RNFT2: variants seen among roughly 807,000 people sequenced by gnomAD.
RNFT2 encodes ring finger protein, transmembrane 2.
A neutral mutation model predicts 53.0 loss-of-function variants in RNFT2; 36 were observed. The observed-to-expected ratio is 0.68, with a 90% CI of 0.52 to 0.90. The LOEUF is 0.90. Among genes scored for constraint, RNFT2 ranks in the 40% least tolerant of loss-of-function variants. RNFT2 has a pLI of 0.00. For synonymous variants in RNFT2, 260 were observed against 253.2 expected (o/e 1.03, Z -0.26); for missense variants, 514 against 585.6 (o/e 0.88, Z 1.26).
At position 116,799,293 on chromosome 12, in the gene RNFT2, A is replaced by G. The variant is rs1874653254; in HGVS notation, c.882+19945A>G. On this transcript the variant is annotated intron_variant, in intron 7 of 10. Coordinates refer to ENST00000257575, the MANE Select transcript of RNFT2 (RefSeq NM_001382266.1). ...CATTTCTCTGACTTCCTTTTCCCCA[A>G]GCCCAAGAAAACTCTGCTTTTAAAG... 2.0e-5 allele frequency among the ~76,000 whole-genome samples: 3 copies of G among 152,182 alleles called. 1 individual carries two copies. The South Asian group carries it at 6.2e-4, about 32-fold the overall frequency.
chr12:116,805,121 C>CT (rs35830752), intron 7 of RNFT2, among the ~76,000 whole-genome samples: 105,614 of 143,362 alleles, frequency 0.74, 40,317 homozygotes, highest in Non-Finnish European at 0.86. Flanking sequence ...AAGACATTGT[C>CT]TTTTTTTTTT....
At chr12:116,793,578 C>G (rs1874353103) in intron 7 of RNFT2, among the ~76,000 whole-genome samples, 1 of 152,214 alleles carries the variant, frequency 6.6e-6, no homozygotes, top group African/African-American at 2.4e-5. Context: ...GACTCTGTCT[C>G]TTGCTCACTC....
chr12:116,852,480 A>G lies in RNFT2; in HGVS notation c.*3032A>G. 5.4e-6 allele frequency: 8 copies of G among 1,473,832 alleles called. No homozygotes were observed. The East Asian group carries it at 2.0e-4, about 37-fold the overall frequency. 91.3% of individuals were successfully genotyped at this position (1,473,832 alleles called of 1,614,324 possible). A position where few individuals can be genotyped will look rare whatever the true frequency, so the allele number is the denominator to read the frequency against. ...AAGCTCCGTTACTATGGCGATGGCC[A>G]TGATGTTACAATCCCACTTGCCTGA... On this transcript the variant is annotated 3_prime_UTR_variant, in exon 11 of 11. Transcript: ENST00000257575.
chr12:116,835,763 G>A (rs577785148), intron 8 of RNFT2, among the ~76,000 whole-genome samples, 197 bp from the exon 9 acceptor site: 2 of 152,316 alleles, frequency 1.3e-5, no homozygotes, highest in South Asian at 4.1e-4. Context: ...GGTAGCAGGG[G>A]AAACTCTTGA....
At chr12:116,848,785 C>T (rs1877746783) in intron 10 of RNFT2, among the ~76,000 whole-genome samples, 1 of 152,056 alleles carries the variant, frequency 6.6e-6, no homozygotes, top group Admixed American at 6.6e-5. Flanking sequence ...CAAGCCCTCC[C>T]TGTTCCTTCT....
At chr12:116,826,830 C>A (rs1374450732) in intron 7 of RNFT2, among the ~76,000 whole-genome samples, 1 of 152,152 alleles carries the variant, frequency 6.6e-6, no homozygotes, top group Non-Finnish European at 1.5e-5. Context: ...TGGGAATATA[C>A]CCAGAGTCAA....
intron 7 of RNFT2, among the ~76,000 whole-genome samples, chr12:116,821,007 T>G (rs1247821493): frequency 6.6e-6 from 1 of 152,132 alleles, no homozygotes; most frequent in South Asian, 2.1e-4. Flanking sequence ...CTTTCTCATC[T>G]AAGAAATGGG....
intron 2 of RNFT2, chr12:116,740,818 C>T (rs765959069): frequency 1.1e-5 from 7 of 625,252 alleles, no homozygotes; most frequent in Non-Finnish European, 2.0e-5. Flanking sequence ...TCTCATCGTC[C>T]TCCTCTGTGA....
intron 7 of RNFT2, among the ~76,000 whole-genome samples, chr12:116,819,894 G>C (rs1875919603): frequency 6.6e-6 from 1 of 152,180 alleles, no homozygotes; most frequent in African/African-American, 2.4e-5. Context: ...GATTTTAAAT[G>C]TTCTAGTAGT....
chr12:116,794,826 C>G (rs1874429599), intron 7 of RNFT2, among the ~76,000 whole-genome samples: 1 of 152,022 alleles, frequency 6.6e-6, no homozygotes, highest in Admixed American at 6.5e-5. Context: ...TCGGCTCGGC[C>G]ACTGCCCCTG....
chr12:116,753,114 C>T (rs908570516), intron 4 of RNFT2, among the ~76,000 whole-genome samples: 5 of 147,886 alleles, frequency 3.4e-5, no homozygotes, highest in Non-Finnish European at 7.4e-5. Flanking sequence ...TTCCTTATGG[C>T]GTTGTAAGTT....
chr12:116,758,774 G>T (rs7960408), intron 5 of RNFT2, among the ~76,000 whole-genome samples: 137,081 of 152,222 alleles, frequency 0.9, 62,162 homozygotes, highest in Non-Finnish European at 0.95. Context: ...TGGTGCTTCT[G>T]TCTCACAGCT....
chr12:116,779,262 G>T lies in RNFT2; in HGVS notation c.796G>T (p.Ala266Ser), dbSNP rs376904333. ...FFDLLWIVGI[A>S]DFVLKYITIA... ...TGACCTGCTATGGATTGTGGGGATC[G>T]CAGACTTTGTTCTGAAGTACATCAC... The change falls in exon 7 of 11, where the codon GCA becomes TCA. Residue 266 changes from alanine (A) to serine (S), a missense_variant. This residue lies in a region of RNFT2 where 273 missense variants were observed against 334.4 expected (regional missense o/e 0.82). Coordinates refer to ENST00000257575, the MANE Select transcript of RNFT2 (RefSeq NM_001382266.1). The T allele has an allele frequency of 6.2e-7, 1 of 1,613,960 alleles. No homozygotes were observed. The highest frequency in any genetic ancestry group is 8.5e-7 in the Non-Finnish European group (1 of 1,179,872).
intron 5 of RNFT2, among the ~76,000 whole-genome samples, chr12:116,763,751 C>T (rs1872790005): frequency 6.7e-6 from 1 of 150,126 alleles, no homozygotes; most frequent in African/African-American, 2.5e-5. Context: ...TGCACTCCAG[C>T]CTGGGTGACA....
Position 116,835,966 on chromosome 12 carries a change from G to A in RNFT2, c.1039G>A (p.Asp347Asn). The A allele has an allele frequency of 3.7e-6, 6 of 1,613,948 alleles. No individual in the cohort carries two copies. The highest frequency in any genetic ancestry group is 2.2e-5 in the East Asian group (1 of 44,886). ...IVLYSLCKSF[D>N]ICGRVGGVRK... ...CACCCTGCTCTCCTTTCAGTCCTTC[G>A]ACATCTGTGGACGTGTGGGCGGAGT... The change falls in exon 9 of 11, where the codon GAC (aspartate) becomes AAC (asparagine). Residue 347 changes from aspartate (D) to asparagine (N), a missense_variant. Asp to Asn is a conservative substitution (Grantham distance 23). This residue lies in a region of RNFT2 where 273 missense variants were observed against 334.4 expected (regional missense o/e 0.82). Transcript: ENST00000257575.
chr12:116,790,974 A>G (rs1387855648), intron 7 of RNFT2, among the ~76,000 whole-genome samples: 3 of 152,234 alleles, frequency 2.0e-5, no homozygotes, highest in Non-Finnish European at 2.9e-5. Flanking sequence ...AAAATAAAAT[A>G]AAACAATAAA....
intron 4 of RNFT2, among the ~76,000 whole-genome samples, chr12:116,753,464 A>G (rs766134239): frequency 8.6e-5 from 13 of 152,008 alleles, no homozygotes; most frequent in Admixed American, 1.3e-4. Flanking sequence ...AGTTTTTTCA[A>G]TGTATGCTTT....
At chr12:116,829,807 C>G (rs373103198) in intron 7 of RNFT2, among the ~76,000 whole-genome samples, 1 of 152,142 alleles carries the variant, frequency 6.6e-6, no homozygotes, top group South Asian at 2.1e-4. Context: ...TCTTGAACTC[C>G]TGGCCTCAAG....
At chr12:116,777,652 G>A (rs1193492463) in intron 6 of RNFT2, among the ~76,000 whole-genome samples, 2 of 152,098 alleles carry the variant, frequency 1.3e-5, no homozygotes, top group Non-Finnish European at 2.9e-5. Flanking sequence ...AAATGGGGTG[G>A]ATAAAAGTAC....
Sources: gnomAD v4.1 joint callset for allele counts (sites outside exome capture counted in the v4.1 genomes callset) on GRCh38, gnomAD v4.1.1 for gene constraint, gnomAD v4.1.1 regional missense constraint, MANE v1.5 for transcripts, NCBI Gene and HGNC (gene_info 2026-07-23, HGNC 2026-07-21) for gene names.